GSE1: variants seen among roughly 807,000 people sequenced by gnomAD.
The protein encoded by GSE1 is genetic suppressor element 1.
A neutral mutation model predicts 112.6 loss-of-function variants in GSE1; 32 were observed. The ratio of observed to expected loss-of-function variants is 0.28; its 90% CI spans 0.21 to 0.38. The LOEUF is 0.38. Among genes scored for constraint, GSE1 ranks in the 10% least tolerant of loss-of-function variants. The probability of loss-of-function intolerance (pLI) is 1.00; values close to 1 mark genes in which losing one functional copy is unlikely to be tolerated. For synonymous variants in GSE1, 1,115 were observed against 735.6 expected (o/e 1.52, Z -8.35); for missense variants, 2,348 against 1,699.2 (o/e 1.38, Z -6.71).
chr16:85,286,981 C>T (rs1008005020), intron 1 of GSE1, among the ~76,000 whole-genome samples: 3 of 152,210 alleles, frequency 2.0e-5, no homozygotes, highest in Non-Finnish European at 2.9e-5. Context: ...TCGGGGGCCG[C>T]GGGCTCCAGC....
intron 2 of GSE1, among the ~76,000 whole-genome samples, chr16:85,479,771 C>T (rs2050614753): frequency 6.6e-6 from 1 of 152,168 alleles, no homozygotes; most frequent in Non-Finnish European, 1.5e-5. Flanking sequence ...TTCCATGTGT[C>T]ACTGTGTGCC....
intron 9 of GSE1, 53 bp downstream of exon 9, chr16:85,661,818 T>G: frequency 1.4e-6 from 2 of 1,430,026 alleles, no homozygotes. Flanking sequence ...ACAGTGGGGA[T>G]GGGGAGCCTG....
intron 1 of GSE1, among the ~76,000 whole-genome samples, chr16:85,266,077 C>T (rs1908211267): frequency 6.6e-6 from 1 of 152,188 alleles, no homozygotes; most frequent in Non-Finnish European, 1.5e-5. Flanking sequence ...ATCGCTCATG[C>T]TGTCATGGGA....
intron 1 of GSE1, among the ~76,000 whole-genome samples, chr16:85,318,766 C>T (rs2046037619): frequency 6.6e-6 from 1 of 152,228 alleles, no homozygotes; most frequent in Non-Finnish European, 1.5e-5. Context: ...TGTGGCTTCT[C>T]AGCTTCTCAC....
At chr16:85,661,830 A>G in intron 9 of GSE1, 65 bp downstream of exon 9, 2 of 1,402,950 alleles carry the variant, frequency 1.4e-6, no homozygotes, top group South Asian at 1.5e-5. Context: ...GGGAGCCTGC[A>G]TGCCAGCCAC....
chr16:85,337,709 G>A (rs931888130), intron 1 of GSE1, among the ~76,000 whole-genome samples: 2 of 152,346 alleles, frequency 1.3e-5, no homozygotes, highest in South Asian at 2.1e-4. Flanking sequence ...GTCCATGGGT[G>A]TGGGCCAGGG....
intron 2 of GSE1, among the ~76,000 whole-genome samples, chr16:85,481,206 G>A (rs1023733701): frequency 1.3e-5 from 2 of 152,236 alleles, no homozygotes; most frequent in African/African-American, 4.8e-5. Flanking sequence ...AGCACCTGGT[G>A]TAGCCACTCT....
chr16:85,604,469 C>T (rs2047596494), intron 1 of GSE1, among the ~76,000 whole-genome samples: 1 of 151,926 alleles, frequency 6.6e-6, no homozygotes, highest in South Asian at 2.1e-4. Flanking sequence ...ATAGGAACAT[C>T]CGTACAAGGT....
intron 2 of GSE1, among the ~76,000 whole-genome samples, chr16:85,386,038 C>G (rs1434787876): frequency 6.6e-6 from 1 of 152,214 alleles, no homozygotes; most frequent in Non-Finnish European, 1.5e-5. Context: ...CTGTCTGGGC[C>G]TCCCGTGGCC....
upstream of GSE1, among the ~76,000 whole-genome samples, chr16:85,612,383 T>C (rs2048049930): frequency 6.7e-6 from 1 of 149,872 alleles, no homozygotes; most frequent in Non-Finnish European, 1.5e-5. Context: ...CTGGGTGAGG[T>C]AGGGTGGGGG....
intron 14 of GSE1, among the ~76,000 whole-genome samples, chr16:85,669,980 AG>A (rs1170765157): frequency 6.6e-6 from 1 of 152,202 alleles, no homozygotes; most frequent in Non-Finnish European, 1.5e-5. Context: ...TTTTCCCCTA[AG>A]GATTTTAGGA....
At chr16:85,377,715 C>T (rs987748085) in intron 2 of GSE1, among the ~76,000 whole-genome samples, 1 of 152,192 alleles carries the variant, frequency 6.6e-6, no homozygotes, top group African/African-American at 2.4e-5. Flanking sequence ...CTGTTGTTCC[C>T]GGGAGTGGCC....
chr16:85,338,882 G>T (rs542804209), intron 1 of GSE1, among the ~76,000 whole-genome samples: 2 of 152,212 alleles, frequency 1.3e-5, no homozygotes, highest in African/African-American at 4.8e-5. Flanking sequence ...CGTTACTCTC[G>T]TGATACTGCT....
intron 2 of GSE1, among the ~76,000 whole-genome samples, chr16:85,413,891 G>A (rs1021588503): frequency 6.6e-6 from 1 of 152,116 alleles, no homozygotes; most frequent in African/African-American, 2.4e-5. Context: ...GTGAGTTCTC[G>A]TGAGATCTGA....
chr16:85,333,300 A>G (rs962430000), intron 1 of GSE1, among the ~76,000 whole-genome samples: 1 of 152,150 alleles, frequency 6.6e-6, no homozygotes, highest in Non-Finnish European at 1.5e-5. Flanking sequence ...CAGGTCATCT[A>G]GAACAGTCTT....
chr16:85,298,469 C>T (rs1027886922), intron 1 of GSE1, among the ~76,000 whole-genome samples: 1 of 152,070 alleles, frequency 6.6e-6, no homozygotes, highest in Non-Finnish European at 1.5e-5. Context: ...TCTCTCTCAC[C>T]CAGGTTGGAG....
intron 13 of GSE1, among the ~76,000 whole-genome samples, chr16:85,666,817 C>T (rs2052900865): frequency 2.0e-5 from 3 of 152,254 alleles, no homozygotes; most frequent in Admixed American, 2.0e-4. Flanking sequence ...ACCACCAGCC[C>T]TCTGGATCCG....
intron 2 of GSE1, among the ~76,000 whole-genome samples, chr16:85,533,662 G>A (rs2044213152): frequency 6.6e-6 from 1 of 152,054 alleles, no homozygotes; most frequent in Admixed American, 6.5e-5. Flanking sequence ...CCAGGAGTTT[G>A]AGACCAGCCT....
chr16:85,380,824 G>A lies in GSE1; in HGVS notation c.2464+23181G>A, dbSNP rs374009670. ...AAGGGAGTGTCGCCCTGCCAAGCTG[G>A]GAGACCGTCCTTCTCCCTGGTCTTT... On this transcript the variant is annotated intron_variant, in intron 2 of 2. Coordinates refer to the GSE1 transcript ENST00000637419. Among the ~76,000 whole-genome samples the A allele has an allele frequency of 1.1e-4, 17 of 152,316 alleles. No individual in the cohort carries two copies. In the East Asian group the frequency reaches 1.5e-3, roughly 14 times the overall value.
Sources: gnomAD v4.1 joint callset for allele counts (sites outside exome capture counted in the v4.1 genomes callset) on GRCh38, gnomAD v4.1.1 for gene constraint, MANE v1.5 for transcripts, NCBI Gene and HGNC (gene_info 2026-07-23, HGNC 2026-07-21) for gene names.